MMRN1: variants seen among roughly 807,000 people sequenced by gnomAD.
MMRN1 encodes multimerin 1, also known as multimerin-1.
MMRN1 carries 94 observed loss-of-function variants against 100.7 expected under a neutral mutation model. The observed-to-expected ratio is 0.93, with a 90% CI of 0.79 to 1.11. The LOEUF (loss-of-function observed/expected upper bound fraction) is 1.11. MMRN1 is among the 50% of genes least tolerant of loss of function. MMRN1 has a pLI of 0.00. For synonymous variants in MMRN1, 575 were observed against 505.0 expected, an observed-to-expected ratio of 1.14 and a Z score of -1.86; for missense variants, 1,606 against 1,439.1, an observed-to-expected ratio of 1.12 and a Z score of -1.88.
intron 6 of MMRN1, among the ~76,000 whole-genome samples, chr4:89,938,236 A>C (rs1394162081): frequency 6.6e-6 from 1 of 151,568 alleles, no homozygotes; most frequent in East Asian, 1.9e-4. Context: ...ATCTGACCTA[A>C]TAGAACTAAT....
intron 6 of MMRN1, among the ~76,000 whole-genome samples, chr4:89,944,683 T>A (rs1251811741): frequency 6.6e-6 from 1 of 152,092 alleles, no homozygotes; most frequent in African/African-American, 2.4e-5. Flanking sequence ...TTAGAAAAGT[T>A]AATGGGGATG....
At chr4:89,949,178 A>G (rs1007876336) in intron 6 of MMRN1, among the ~76,000 whole-genome samples, 2 of 152,194 alleles carry the variant, frequency 1.3e-5, no homozygotes, top group African/African-American at 4.8e-5. Flanking sequence ...AGCAATGCAG[A>G]TAAATCTAAT....
chr4:89,951,552 C>T (rs1723174933), intron 6 of MMRN1, 53 bp from the exon 7 acceptor site: 2 of 1,427,970 alleles, frequency 1.4e-6, no homozygotes, highest in African/African-American at 1.5e-5. Flanking sequence ...TTGAGATCAA[C>T]AGGAAAATAG....
chr4:89,910,544 C>A (rs1721716795), intron 2 of MMRN1, among the ~76,000 whole-genome samples: 1 of 151,318 alleles, frequency 6.6e-6, no homozygotes. Context: ...GAGCTACATG[C>A]AACAGATATT....
In MMRN1 at chr4:89,936,096, C is replaced by G; in HGVS notation, c.2416C>G (p.Leu806Val). 6.2e-7 allele frequency: 1 copy of G among 1,612,346 alleles called. No individual in the cohort carries two copies. The highest frequency in any genetic ancestry group is 8.5e-7 in the Non-Finnish European group (1 of 1,179,448). ...YNFVLQVAKTLAGIPRDEKLN... is the reference protein window; with the variant it reads ...YNFVLQVAKTVAGIPRDEKLN... ...CTTTGTTTTGCAAGTCGCCAAGACC[C>G]TTGCAGGTATTCCCAGAGATGAGAA... The change falls in exon 6 of 8, where the codon CTT becomes GTT. Residue 806 changes from leucine (L) to valine (V), a missense_variant. Coordinates refer to ENST00000264790, the MANE Select transcript of MMRN1 (RefSeq NM_007351.3).
At position 89,951,660 on chromosome 4, in the gene MMRN1, T is replaced by C; in HGVS notation, c.3174T>C (p.Asn1058=). 2 of 1,576,174 alleles carry C rather than the reference T, an allele frequency of 1.3e-6. No individual in the cohort carries two copies. The highest frequency in any genetic ancestry group is 1.7e-6 in the Non-Finnish European group (2 of 1,166,536). The change falls in exon 7 of 8, where the codon AAT becomes AAC. Residue 1058 remains asparagine, a synonymous_variant. Transcript: ENST00000264790. ...HPCQNGGTCI[N]GRTSFTCACR... is the part of the protein sequence containing the mutation. Reference sequence around the variant, plus strand: ...GCCAAAATGGGGGCACGTGCATAAATGGAAGAACTAGCTTTACCTGTGCCT... The same window carrying C: ...GCCAAAATGGGGGCACGTGCATAAACGGAAGAACTAGCTTTACCTGTGCCT...
At chr4:89,949,030 A>G (rs960157393) in intron 6 of MMRN1, among the ~76,000 whole-genome samples, 3 of 152,174 alleles carry the variant, frequency 2.0e-5, no homozygotes, top group African/African-American at 4.8e-5. Context: ...ACCCTCTGAA[A>G]TGACTCAAAG....
intron 4 of MMRN1, among the ~76,000 whole-genome samples, chr4:89,925,948 C>T (rs1722245243): frequency 6.6e-6 from 1 of 152,086 alleles, no homozygotes; most frequent in South Asian, 2.1e-4. Flanking sequence ...CAGTTCCATC[C>T]ATGTTGTTGC....
intron 5 of MMRN1, among the ~76,000 whole-genome samples, chr4:89,933,202 A>ATATC (rs548259452): frequency 9.9e-5 from 15 of 152,208 alleles, no homozygotes; most frequent in Non-Finnish European, 1.8e-4. Flanking sequence ...TTGCTAAAGC[A>ATATC]TATCAAGAAT....
intron 4 of MMRN1, among the ~76,000 whole-genome samples, chr4:89,926,498 G>A (rs201267719): frequency 4.6e-5 from 7 of 151,916 alleles, no homozygotes; most frequent in African/African-American, 1.4e-4. Flanking sequence ...CTATAGGCTT[G>A]TTTGACCTTC....
intron 1 of MMRN1, among the ~76,000 whole-genome samples, chr4:89,896,848 A>G (rs1485591036): frequency 6.6e-6 from 1 of 152,196 alleles, no homozygotes; most frequent in Non-Finnish European, 1.5e-5. Flanking sequence ...TTCGAAATAT[A>G]TAAGTAAATC....
At chr4:89,938,368 T>C (rs1322253297) in intron 6 of MMRN1, among the ~76,000 whole-genome samples, 1 of 150,346 alleles carries the variant, frequency 6.7e-6, no homozygotes, top group Non-Finnish European at 1.5e-5. Context: ...AGTTGTTTTT[T>C]CCATACTATT....
chr4:89,946,353 G>C (rs1237494541), intron 6 of MMRN1, among the ~76,000 whole-genome samples: 1 of 152,162 alleles, frequency 6.6e-6, no homozygotes, highest in Non-Finnish European at 1.5e-5. Context: ...TCCTAGCAGA[G>C]ATCAGTTATC....
In MMRN1 at chr4:89,927,921, G is replaced by C; in HGVS notation, c.1082G>C (p.Gly361Ala). The C allele has an allele frequency of 3.1e-6, 5 of 1,608,036 alleles. No individual in the cohort carries two copies. The highest frequency in any genetic ancestry group is 4.2e-6 in the Non-Finnish European group (5 of 1,177,600). ...AGGAACACTTACTCCTCCCTAGAAG[G>C]AAAAGTCAGCGAAGATAAAAGCAGA... ...DVRNTYSSLE[G>A]KVSEDKSREF... The change falls in exon 5 of 8, where the codon GGA becomes GCA. Residue 361 changes from glycine to alanine, a missense_variant. Gly to Ala is a moderately conservative substitution (Grantham distance 60). Coordinates refer to ENST00000264790, the MANE Select transcript of MMRN1 (RefSeq NM_007351.3).
chr4:89,934,514 A>G (rs543752747), intron 5 of MMRN1, among the ~76,000 whole-genome samples: 2 of 152,296 alleles, frequency 1.3e-5, no homozygotes, highest in African/African-American at 4.8e-5. Flanking sequence ...ACAAGGGTGT[A>G]TTACTGAAGT....
At chr4:89,883,189 G>T (rs1375284398) in intron 1 of MMRN1, among the ~76,000 whole-genome samples, 1 of 151,740 alleles carries the variant, frequency 6.6e-6, no homozygotes. Flanking sequence ...TCTTATATTT[G>T]GGCTGTTACG....
chr4:89,907,369 A>G (rs759583796), intron 1 of MMRN1, among the ~76,000 whole-genome samples: 5 of 151,510 alleles, frequency 3.3e-5, no homozygotes, highest in Admixed American at 1.3e-4. Flanking sequence ...TAGATGAATG[A>G]CAATGTGGAA....
upstream of MMRN1, among the ~76,000 whole-genome samples, chr4:89,891,712 G>C (rs1388866608): frequency 1.3e-5 from 2 of 151,938 alleles, no homozygotes; most frequent in African/African-American, 4.8e-5. Context: ...AATTGAAAAA[G>C]CTCTAAAATT....
At chr4:89,932,967 C>T (rs926587301) in intron 5 of MMRN1, among the ~76,000 whole-genome samples, 1 of 152,118 alleles carries the variant, frequency 6.6e-6, no homozygotes, top group Non-Finnish European at 1.5e-5. Context: ...CATCATCAGC[C>T]TGCAAATTTT....
Sources: allele counts gnomAD v4.1 joint callset (sites outside exome capture counted in the v4.1 genomes callset), GRCh38; gene constraint gnomAD v4.1.1; transcripts MANE v1.5; gene names NCBI Gene and HGNC (gene_info 2026-07-23, HGNC 2026-07-21).